The following ITGB5 variants were observed in gnomAD, a reference collection of about 807,000 sequenced individuals.
The protein encoded by ITGB5 is integrin beta-5.
A neutral mutation model predicts 84.8 loss-of-function variants in ITGB5; 38 were observed. The observed-to-expected ratio is 0.45, with a 90% CI of 0.35 to 0.59. ITGB5 has a LOEUF of 0.59. Ranked by LOEUF, ITGB5 falls within the 20% of genes least tolerant of loss-of-function variation. ITGB5 has a pLI of 0.01. For synonymous variants in ITGB5, 393 were observed against 414.4 expected (o/e 0.95, Z 0.63); for missense variants, 905 against 1,034.5 (o/e 0.87, Z 1.72).
chr3:124,817,250 A>G (rs1579243624), intron 8 of ITGB5, among the ~76,000 whole-genome samples: 2 of 152,162 alleles, frequency 1.3e-5, no homozygotes, highest in East Asian at 3.8e-4. Flanking sequence ...TCCCTCAGGC[A>G]GAGAATACGG....
intron 9 of ITGB5, among the ~76,000 whole-genome samples, chr3:124,806,518 C>T (rs992250987): frequency 1.0e-4 from 15 of 148,000 alleles, no homozygotes; most frequent in African/African-American, 3.7e-4. Flanking sequence ...ACTGCAAGCT[C>T]CGCCTCCCGG....
chr3:124,813,533 C>A (rs1336918748), intron 8 of ITGB5, among the ~76,000 whole-genome samples: 1 of 152,202 alleles, frequency 6.6e-6, no homozygotes, highest in East Asian at 1.9e-4. Flanking sequence ...ATTCCCATGA[C>A]CCCTCTCCTT....
intron 1 of ITGB5, chr3:124,901,185 G>C (rs1935207764): frequency 6.6e-6 from 1 of 152,146 alleles, no homozygotes; most frequent in African/African-American, 2.4e-5. Context: ...TGAGGTCAGG[G>C]GTTCAAGACC....
At chr3:124,894,271 C>G (rs1478810634) in intron 1 of ITGB5, among the ~76,000 whole-genome samples, 3 of 151,272 alleles carry the variant, frequency 2.0e-5, no homozygotes, top group Non-Finnish European at 2.9e-5. Flanking sequence ...GTAGCTGGGA[C>G]TACAGGCGCC....
intron 1 of ITGB5, among the ~76,000 whole-genome samples, chr3:124,900,631 T>G (rs974550585): frequency 2.6e-5 from 4 of 152,246 alleles, no homozygotes; most frequent in Middle Eastern, 3.4e-3. Flanking sequence ...TTTCCAGGGC[T>G]CTCCCCAACC....
At chr3:124,804,691 G>C (rs1027826349) in intron 9 of ITGB5, among the ~76,000 whole-genome samples, 1 of 151,848 alleles carries the variant, frequency 6.6e-6, no homozygotes, top group Non-Finnish European at 1.5e-5. Context: ...TTTTGAGAAG[G>C]AGTCTTGTTC....
At chr3:124,778,848 G>A (rs1437501078) in intron 10 of ITGB5, among the ~76,000 whole-genome samples, 1 of 151,488 alleles carries the variant, frequency 6.6e-6, no homozygotes, top group Non-Finnish European at 1.5e-5. Context: ...CGAGGGTGTG[G>A]CCATGGGGAG....
chr3:124,880,283 T>G (rs771258846), intron 1 of ITGB5, among the ~76,000 whole-genome samples: 2 of 152,216 alleles, frequency 1.3e-5, no homozygotes, highest in Non-Finnish European at 2.9e-5. Flanking sequence ...AAATCTAAAC[T>G]GATGGACTTT....
At chr3:124,778,116 G>A (rs1360663935) in intron 10 of ITGB5, among the ~76,000 whole-genome samples, 1 of 152,250 alleles carries the variant, frequency 6.6e-6, no homozygotes, top group Non-Finnish European at 1.5e-5. Context: ...TTGGCAAAGT[G>A]AGTTGAATTT....
chr3:124,894,084 G>C lies in ITGB5; in HGVS notation c.-255+7182C>G, dbSNP rs374909050. 1.4e-4 allele frequency among the ~76,000 whole-genome samples: 21 copies of C among 147,664 alleles called. No homozygotes were observed. In the South Asian group the frequency reaches 4.5e-3, roughly 32 times the overall value. On this transcript the variant is annotated intron_variant, in intron 1 of 4. Coordinates refer to the ITGB5 transcript ENST00000608657. ...TATATATTTTCCAGCTTTCATGAATGATGTTAACAAATCCATTAATGAAAT... is the reference window on the plus strand; with the variant it reads ...TATATATTTTCCAGCTTTCATGAATCATGTTAACAAATCCATTAATGAAAT...
chr3:124,801,458 C>A (rs2064314597), intron 9 of ITGB5, among the ~76,000 whole-genome samples: 1 of 152,136 alleles, frequency 6.6e-6, no homozygotes, highest in Admixed American at 6.5e-5. Context: ...CTGTCTTGAC[C>A]CAGAGCACAC....
At chr3:124,829,537 A>G (rs548219908) in intron 5 of ITGB5, among the ~76,000 whole-genome samples, 36 of 152,296 alleles carry the variant, frequency 2.4e-4, no homozygotes, top group Admixed American at 1.6e-3. Context: ...GAGATAGGTA[A>G]AAGGACTTCT....
At chr3:124,879,084 C>T (rs1415873827) in intron 1 of ITGB5, among the ~76,000 whole-genome samples, 1 of 152,216 alleles carries the variant, frequency 6.6e-6, no homozygotes, top group Non-Finnish European at 1.5e-5. Context: ...CAAGGAGCCA[C>T]CGCATCCGGT....
intron 1 of ITGB5, among the ~76,000 whole-genome samples, chr3:124,877,097 A>G (rs957216600): frequency 2.7e-5 from 4 of 150,756 alleles, no homozygotes; most frequent in Non-Finnish European, 5.9e-5. Context: ...CAGCCTCCCA[A>G]GTAGCTGGGA....
intron 10 of ITGB5, among the ~76,000 whole-genome samples, chr3:124,785,203 C>T (rs1214280975): frequency 2.0e-5 from 3 of 152,186 alleles, no homozygotes; most frequent in African/African-American, 4.8e-5. Flanking sequence ...GGGTGAGTGA[C>T]AGCACACCAA....
chr3:124,872,574 A>G (rs554790324), intron 2 of ITGB5, among the ~76,000 whole-genome samples: 1 of 152,214 alleles, frequency 6.6e-6, no homozygotes, highest in East Asian at 1.9e-4. Context: ...GGGACCACGC[A>G]CTGCATTGCA....
At chr3:124,798,055 C>CTTGTTTTTTTT (rs2064258416) in intron 9 of ITGB5, among the ~76,000 whole-genome samples, 1 of 103,656 alleles carries the variant, frequency 9.6e-6, no homozygotes, top group East Asian at 2.8e-4. Flanking sequence ...TAGAATAAAG[C>CTTGTTTTTTTT]TTTTTTTTTT....
intron 9 of ITGB5, among the ~76,000 whole-genome samples, chr3:124,802,995 C>T (rs1210122862): frequency 2.6e-5 from 4 of 152,210 alleles, no homozygotes; most frequent in Non-Finnish European, 4.4e-5. Context: ...CACAGGGCTG[C>T]GGCCCATCCA....
In ITGB5 at chr3:124,764,380, C is replaced by T; in HGVS notation, c.2304+11G>A. ...GAAGTCTCCTCTGCTTCCCATTTCCCACGTGCTTACCATTTCATAGCGGGC... is the reference window on the plus strand; with the variant it reads ...GAAGTCTCCTCTGCTTCCCATTTCCTACGTGCTTACCATTTCATAGCGGGC... On this transcript the variant is annotated intron_variant, in intron 14 of 14. Coordinates refer to ENST00000296181, the MANE Select transcript of ITGB5 (RefSeq NM_002213.5). 2 of 1,594,322 alleles carry T rather than the reference C, an allele frequency of 1.3e-6. No homozygotes were observed. Among genetic ancestry groups the T allele is most frequent in the Non-Finnish European group, 1.7e-6 (2 of 1,163,582 alleles).
Sources: allele counts gnomAD v4.1 joint callset (sites outside exome capture counted in the v4.1 genomes callset), GRCh38; gene constraint gnomAD v4.1.1; transcripts MANE v1.5; gene names NCBI Gene and HGNC (gene_info 2026-07-23, HGNC 2026-07-21).